GRM5: variants seen among roughly 807,000 people sequenced by gnomAD.
The protein encoded by GRM5 is glutamate metabotropic receptor 5.
GRM5 carries 19 observed loss-of-function variants against 83.1 expected under a neutral mutation model. The observed-to-expected ratio is 0.23, with a 90% confidence interval of 0.16 to 0.34. The LOEUF is 0.34. GRM5 is among the 10% of genes least tolerant of loss of function. GRM5 has a pLI of 1.00. For missense variants in GRM5, 1,160 were observed against 1,588.3 expected, an observed-to-expected ratio of 0.73 and a Z score of 4.58; for synonymous variants, 675 against 633.6, an observed-to-expected ratio of 1.07 and a Z score of -0.98.
At chr11:88,848,825 T>C (rs1041620821) in intron 3 of GRM5, among the ~76,000 whole-genome samples, 2 of 152,196 alleles carry the variant, frequency 1.3e-5, no homozygotes, top group African/African-American at 2.4e-5. Flanking sequence ...TTTGAAGCAG[T>C]AGACTGAGTA....
intron 2 of GRM5, among the ~76,000 whole-genome samples, chr11:88,933,947 T>G (rs559030944): frequency 4.0e-5 from 6 of 151,820 alleles, no homozygotes; most frequent in East Asian, 1.9e-4. Flanking sequence ...AAATTAAAAC[T>G]TACCCTAAGA....
chr11:88,508,705 C>G lies in GRM5; in HGVS notation c.3526G>C (p.Gly1176Arg). ...ACTGGCGAGTTGGGGGTTGTGCTCCCCGAGTCCACCGAGTCTCTGAAGGGG... is the reference window on the plus strand; with the variant it reads ...ACTGGCGAGTTGGGGGTTGTGCTCCGCGAGTCCACCGAGTCTCTGAAGGGG... ...PSPFRDSVDS[G>R]STTPNSPVSE... Residue 1176 changes from glycine to arginine, a missense_variant, in exon 10 of 10, where the codon GGG (glycine) becomes CGG (arginine). By Grantham distance (125) the Gly-to-Arg change is moderately radical. Coordinates refer to ENST00000305447, the MANE Select transcript of GRM5 (RefSeq NM_001143831.3). The surrounding 1 kb of genome is among the most constrained non-coding windows in gnomAD (Gnocchi z 4.2). The G allele has an allele frequency of 6.2e-7, 1 of 1,600,260 alleles. No homozygotes were observed. The highest frequency in any genetic ancestry group is 8.5e-7 in the Non-Finnish European group (1 of 1,173,990).
At chr11:88,532,039 C>T (rs2135118451) in intron 8 of GRM5, among the ~76,000 whole-genome samples, 1 of 152,166 alleles carries the variant, frequency 6.6e-6, no homozygotes, top group Non-Finnish European at 1.5e-5. Context: ...ATGCTTTAAA[C>T]TATTCATAGA....
chr11:88,824,320 T>A (rs567933337), intron 3 of GRM5, among the ~76,000 whole-genome samples: 1 of 152,156 alleles, frequency 6.6e-6, no homozygotes, highest in Non-Finnish European at 1.5e-5. Context: ...TCGATGAACA[T>A]ACAAGGAACT....
chr11:88,606,852 G>A (rs1465031229), intron 4 of GRM5, among the ~76,000 whole-genome samples: 2 of 150,318 alleles, frequency 1.3e-5, no homozygotes, highest in Non-Finnish European at 3.0e-5. Flanking sequence ...TATAGGAAGA[G>A]TGTGGTTAAA....
chr11:88,965,190 C>T (rs954924889), intron 2 of GRM5, among the ~76,000 whole-genome samples: 3 of 152,132 alleles, frequency 2.0e-5, no homozygotes, highest in East Asian at 3.9e-4. Flanking sequence ...ATACCTTAGA[C>T]AGGGTGGCTT....
At chr11:88,627,041 C>G (rs760881221) in intron 4 of GRM5, among the ~76,000 whole-genome samples, 12 of 152,212 alleles carry the variant, frequency 7.9e-5, no homozygotes, top group Non-Finnish European at 1.5e-4. Context: ...TGACTTAACA[C>G]TATGTTAAAT....
chr11:88,958,761 A>G (rs1938698695), intron 2 of GRM5, among the ~76,000 whole-genome samples: 1 of 152,206 alleles, frequency 6.6e-6, no homozygotes, highest in Non-Finnish European at 1.5e-5. Flanking sequence ...GGTATTTACT[A>G]TATTAAAAAC....
At chr11:88,831,922 A>G (rs1032601901) in intron 3 of GRM5, among the ~76,000 whole-genome samples, 3 of 152,166 alleles carry the variant, frequency 2.0e-5, no homozygotes, top group Non-Finnish European at 4.4e-5. Context: ...GAGCCCGTTA[A>G]CATTGGTGCC....
chr11:89,039,974 C>CT (rs761341693), intron 2 of GRM5, among the ~76,000 whole-genome samples: 116 of 151,634 alleles, frequency 7.6e-4, no homozygotes, highest in Middle Eastern at 3.4e-3. Context: ...CTTTTTCTTT[C>CT]TTTTTTTTTA....
chr11:88,710,361 C>T (rs1452671036), intron 3 of GRM5, among the ~76,000 whole-genome samples: 1 of 152,054 alleles, frequency 6.6e-6, no homozygotes, highest in African/African-American at 2.4e-5. Context: ...TGACAGAAAA[C>T]CTTTGTTGAG....
chr11:88,652,269 G>A (rs1939650910), intron 4 of GRM5, among the ~76,000 whole-genome samples: 1 of 151,942 alleles, frequency 6.6e-6, no homozygotes, highest in Non-Finnish European at 1.5e-5. Flanking sequence ...ATAACACAAT[G>A]TAGGATAAGT....
intron 2 of GRM5, among the ~76,000 whole-genome samples, chr11:89,027,734 A>G (rs1941159943): frequency 6.6e-6 from 1 of 152,256 alleles, no homozygotes; most frequent in African/African-American, 2.4e-5. Flanking sequence ...CATTGAATAA[A>G]TATAATTCAG....
intron 3 of GRM5, among the ~76,000 whole-genome samples, chr11:88,835,127 G>A (rs1944069977): frequency 6.6e-6 from 1 of 152,254 alleles, no homozygotes; most frequent in Middle Eastern, 3.4e-3. Flanking sequence ...AAATAAAAAT[G>A]AAAAGTTCCA....
At chr11:88,860,826 A>G (rs1475868591) in intron 2 of GRM5, among the ~76,000 whole-genome samples, 4 of 152,154 alleles carry the variant, frequency 2.6e-5, no homozygotes, top group Non-Finnish European at 1.5e-5. Flanking sequence ...AGCCTCATTT[A>G]AGAGTGGGTA....
intron 4 of GRM5, among the ~76,000 whole-genome samples, chr11:88,641,110 A>G (rs996656983): frequency 6.6e-6 from 1 of 152,052 alleles, no homozygotes; most frequent in Non-Finnish European, 1.5e-5. Context: ...AGGCCTCAGG[A>G]AGCTTTTACT....
intron 2 of GRM5, among the ~76,000 whole-genome samples, chr11:88,898,225 A>C (rs1437510021): frequency 6.6e-6 from 1 of 151,904 alleles, no homozygotes; most frequent in Non-Finnish European, 1.5e-5. Context: ...TTTTGTAAGG[A>C]AACCAGTTAT....
At chr11:88,727,893 G>A (rs1308408236) in intron 3 of GRM5, among the ~76,000 whole-genome samples, 1 of 151,938 alleles carries the variant, frequency 6.6e-6, no homozygotes, top group Admixed American at 6.6e-5. Context: ...TGTTTAGAGG[G>A]AGATTTACTA....
chr11:88,549,387 C>T (rs760129898), intron 8 of GRM5, among the ~76,000 whole-genome samples: 9 of 150,854 alleles, frequency 6.0e-5, no homozygotes, highest in Non-Finnish European at 1.3e-4. Context: ...AGGCCATGGA[C>T]GTTGCTTATG....
Sources: allele counts gnomAD v4.1 joint callset (sites outside exome capture counted in the v4.1 genomes callset), GRCh38; gene constraint gnomAD v4.1.1; non-coding constraint Gnocchi (gnomAD v3.1); transcripts MANE v1.5; gene names NCBI Gene and HGNC (gene_info 2026-07-23, HGNC 2026-07-21).